AQR: variants seen among roughly 807,000 people sequenced by gnomAD.
The protein encoded by AQR is RNA helicase aquarius.
A neutral mutation model predicts 180.5 loss-of-function variants in AQR; 61 were observed. The ratio of observed to expected loss-of-function variants is 0.34; its 90% CI spans 0.28 to 0.42. The LOEUF (loss-of-function observed/expected upper bound fraction) is 0.42. Among genes scored for constraint, AQR ranks in the 10% least tolerant of loss-of-function variants. AQR has a pLI of 1.00. For synonymous variants in AQR, 551 were observed against 588.8 expected (o/e 0.94, Z 0.93); for missense variants, 1,281 against 1,798.3 (o/e 0.71, Z 5.20).
At chr15:34,952,656 T>C (rs1887212858) in intron 4 of AQR, among the ~76,000 whole-genome samples, 1 of 152,240 alleles carries the variant, frequency 6.6e-6, no homozygotes, top group African/African-American at 2.4e-5. Context: ...ATTCACCACA[T>C]GCTAGCTTAA....
rs145036864 is a variant in AQR, at chr15:34,888,064, G to A, written c.2682-1403C>T. On this transcript the variant is annotated intron_variant, in intron 24 of 34. Transcript: ENST00000156471. ...TGTAATCCCAGCACTTTGGGAGGCCGAGGCAGGCAGATCACTTGAGGTCAG... is the reference window on the plus strand; with the variant it reads ...TGTAATCCCAGCACTTTGGGAGGCCAAGGCAGGCAGATCACTTGAGGTCAG... Among the ~76,000 whole-genome samples the A allele has an allele frequency of 9.0e-4, 136 of 150,652 alleles. 2 individuals are homozygous for A. The East Asian group carries it at 0.026, about 28-fold the overall frequency.
In AQR at chr15:34,950,057, T is replaced by C. The variant is rs539948758; in HGVS notation, c.210-1673A>G. The stretch of plus-strand genomic sequence containing the variant: ...ATACCTTATTTTCCTTTCGTATTTT[T>C]CATTTTTACTTCTCTTTGCTATTTT... On this transcript the variant is annotated intron_variant, in intron 4 of 34. Coordinates refer to ENST00000156471, the MANE Select transcript of AQR (RefSeq NM_014691.3). 1.0e-3 allele frequency among the ~76,000 whole-genome samples: 151 copies of C among 151,344 alleles called. 1 individual carries two copies. Among genetic ancestry groups the C allele is most frequent in the African/African-American group, 3.4e-3 (142 of 41,300 alleles).
At chr15:34,949,555 G>C (rs1894183938) in intron 4 of AQR, among the ~76,000 whole-genome samples, 1 of 131,160 alleles carries the variant, frequency 7.6e-6, no homozygotes, top group Non-Finnish European at 1.5e-5. Context: ...ATTGCAGTGA[G>C]CCAACATCGC....
intron 11 of AQR, among the ~76,000 whole-genome samples, chr15:34,931,757 G>A (rs576282365): frequency 6.6e-4 from 100 of 152,252 alleles, no homozygotes; most frequent in Non-Finnish European, 1.3e-3. Flanking sequence ...GCAGTGAGCC[G>A]AGATCATGCC....
At chr15:34,951,612 A>C (rs1161761782) in intron 4 of AQR, among the ~76,000 whole-genome samples, 4 of 150,960 alleles carry the variant, frequency 2.6e-5, no homozygotes, top group Non-Finnish European at 5.9e-5. Context: ...TGGAGGTTGC[A>C]GTGAGCCGAG....
intron 3 of AQR, among the ~76,000 whole-genome samples, chr15:34,960,541 AT>A (rs2050269740): frequency 1.3e-5 from 2 of 152,206 alleles, no homozygotes; most frequent in South Asian, 4.1e-4. Flanking sequence ...CTCAAATTCC[AT>A]CTAAATCCAA....
At chr15:34,862,590 G>A (rs1892684462) in intron 33 of AQR, among the ~76,000 whole-genome samples, 1 of 151,916 alleles carries the variant, frequency 6.6e-6, no homozygotes. Flanking sequence ...TAGAGACAAG[G>A]TCTCACTATG....
chr15:34,871,941 T>C (rs1254012989), intron 30 of AQR, among the ~76,000 whole-genome samples: 2 of 143,714 alleles, frequency 1.4e-5, no homozygotes. Flanking sequence ...AAAATAAGAA[T>C]ATAAACACAA....
Position 34,878,214 on chromosome 15 carries a change from G to A in AQR, c.3166-2208C>T, listed in dbSNP as rs866016577. Among the ~76,000 whole-genome samples, 5 of 151,624 alleles carry A rather than the reference G, an allele frequency of 3.3e-5. No homozygotes were observed. The East Asian group carries it at 5.8e-4, about 18-fold the overall frequency. The stretch of plus-strand genomic sequence containing the variant: ...AGCCTGGTCAACATGGTGAAACCCC[G>A]TCTTTACTAAAAATACAGTAAGTTG... On this transcript the variant is annotated intron_variant, in intron 27 of 34. Transcript: ENST00000156471.
intron 33 of AQR, 138 bp from the exon 34 acceptor site, chr15:34,860,293 T>C: frequency 2.4e-6 from 1 of 409,594 alleles, no homozygotes; most frequent in Non-Finnish European, 4.3e-6. Context: ...GGACATAAAA[T>C]GCAAGTGTGA....
At chr15:34,859,354 T>G (rs1892637195) in intron 34 of AQR, among the ~76,000 whole-genome samples, 1 of 152,164 alleles carries the variant, frequency 6.6e-6, no homozygotes, top group Non-Finnish European at 1.5e-5. Context: ...GAGACCACTG[T>G]ATATCTATTA....
intron 22 of AQR, among the ~76,000 whole-genome samples, chr15:34,895,183 AAAAAATATATATATATAT>A (rs1893219288): frequency 2.8e-5 from 1 of 35,278 alleles, no homozygotes; most frequent in Non-Finnish European, 7.1e-5. Flanking sequence ...AAAAAAAAAA[AAAAAATATATATATATAT>A]ATATATATAT....
intron 10 of AQR, among the ~76,000 whole-genome samples, chr15:34,933,141 C>T (rs1005162112): frequency 6.6e-6 from 1 of 152,082 alleles, no homozygotes; most frequent in Non-Finnish European, 1.5e-5. Context: ...GTTTCCTCTC[C>T]TCATGTTCCC....
At chr15:34,904,021 A>G (rs914887875) in intron 19 of AQR, among the ~76,000 whole-genome samples, 11 of 152,094 alleles carry the variant, frequency 7.2e-5, no homozygotes, top group Non-Finnish European at 1.5e-4. Flanking sequence ...TTCACTTCAT[A>G]ATAGGGCATT....
intron 28 of AQR, among the ~76,000 whole-genome samples, chr15:34,875,403 C>T (rs903698362): frequency 2.6e-5 from 4 of 152,100 alleles, no homozygotes; most frequent in Non-Finnish European, 4.4e-5. Context: ...CTTATAAAAA[C>T]AACTTCTGGA....
At chr15:34,874,901 A>G (rs775339056) in intron 28 of AQR, 37 bp from the exon 29 acceptor site, 4 of 1,576,114 alleles carry the variant, frequency 2.5e-6, no homozygotes, top group Non-Finnish European at 3.5e-6. Context: ...AAAATACTCT[A>G]TTATCCTCTT....
chr15:34,955,646 G>A (rs1277535679), intron 3 of AQR, among the ~76,000 whole-genome samples: 4 of 152,134 alleles, frequency 2.6e-5, no homozygotes, highest in Non-Finnish European at 4.4e-5. Flanking sequence ...AGTGGCTCAC[G>A]TCTGTAATCC....
intron 3 of AQR, among the ~76,000 whole-genome samples, chr15:34,958,408 C>T (rs1043232054): frequency 4.0e-5 from 6 of 151,604 alleles, no homozygotes; most frequent in African/African-American, 1.5e-4. Context: ...GCCAGCTACT[C>T]GGGAGGCTAA....
chr15:34,934,887 GT>G, intron 9 of AQR, among the ~76,000 whole-genome samples: 1 of 152,060 alleles, frequency 6.6e-6, no homozygotes, highest in Admixed American at 6.5e-5. Context: ...TAAAAATCAG[GT>G]TTGCAAAGAT....
Sources: gnomAD v4.1 joint callset for allele counts (sites outside exome capture counted in the v4.1 genomes callset) on GRCh38, gnomAD v4.1.1 for gene constraint, MANE v1.5 for transcripts, NCBI Gene and HGNC (gene_info 2026-07-23, HGNC 2026-07-21) for gene names.